CDH1: variants seen among roughly 807,000 people sequenced by gnomAD.
CDH1 encodes the protein cadherin-1.
Under a neutral mutation model 84.5 loss-of-function variants are expected in CDH1, and 35 were observed. The observed-to-expected ratio is 0.41, with a 90% confidence interval of 0.32 to 0.55. The LOEUF is 0.55. Ranked by LOEUF, CDH1 falls within the 20% of genes least tolerant of loss-of-function variation. The pLI is 0.19. For synonymous variants in CDH1, 417 were observed against 439.0 expected, an observed-to-expected ratio of 0.95 and a Z score of 0.63; for missense variants, 994 against 1,126.6, an observed-to-expected ratio of 0.88 and a Z score of 1.68.
At chr16:68,826,522 G>A (rs141297783) in intron 13 of CDH1, 5 of 152,224 alleles carry the variant, frequency 3.3e-5, no homozygotes, top group South Asian at 2.1e-4. Context: ...CAACACTTTG[G>A]GAGGCTGAGG....
intron 2 of CDH1, among the ~76,000 whole-genome samples, chr16:68,756,080 G>A (rs1195944557): frequency 1.3e-5 from 2 of 151,610 alleles, no homozygotes; most frequent in Admixed American, 1.3e-4. Flanking sequence ...GTTTTCTAAA[G>A]ATTCTTCCTG....
chr16:68,748,411 A>T (rs1962804227), intron 2 of CDH1, among the ~76,000 whole-genome samples: 1 of 152,192 alleles, frequency 6.6e-6, no homozygotes, highest in African/African-American at 2.4e-5. Context: ...CGGCCATTTT[A>T]AAAATGTTTA....
chr16:68,764,173 G>T (rs932026602), intron 2 of CDH1, among the ~76,000 whole-genome samples: 1 of 152,238 alleles, frequency 6.6e-6, no homozygotes, highest in Non-Finnish European at 1.5e-5. Flanking sequence ...AAAGGGGTGT[G>T]TGTGTGATCA....
chr16:68,821,394 C>T (rs1171054341), intron 11 of CDH1, among the ~76,000 whole-genome samples: 1 of 150,016 alleles, frequency 6.7e-6, no homozygotes, highest in Non-Finnish European at 1.5e-5. Flanking sequence ...AGATTAAGCC[C>T]AGGAGGTAGA....
At chr16:68,784,993 A>G (rs1045179409) in intron 2 of CDH1, among the ~76,000 whole-genome samples, 1 of 152,076 alleles carries the variant, frequency 6.6e-6, no homozygotes, top group African/African-American at 2.4e-5. Context: ...TAACTTTATG[A>G]ATAGGTTATA....
chr16:68,794,186 C>T (rs1960291397), intron 2 of CDH1, among the ~76,000 whole-genome samples: 1 of 151,500 alleles, frequency 6.6e-6, no homozygotes, highest in Non-Finnish European at 1.5e-5. Context: ...GCACACACCA[C>T]TGCTCCCAGC....
intron 2 of CDH1, among the ~76,000 whole-genome samples, chr16:68,779,192 G>T (rs780629190): frequency 2.0e-5 from 3 of 152,216 alleles, no homozygotes; most frequent in Non-Finnish European, 4.4e-5. Context: ...TCCACCTGCA[G>T]TGCGGGCTTG....
intron 2 of CDH1, among the ~76,000 whole-genome samples, chr16:68,779,511 C>T (rs1205191622): frequency 1.3e-5 from 2 of 152,150 alleles, no homozygotes; most frequent in Non-Finnish European, 2.9e-5. Flanking sequence ...ACCTTCTAGG[C>T]TGTTGTGAAG....
At chr16:68,824,069 C>T (rs1307474047) in intron 13 of CDH1, among the ~76,000 whole-genome samples, 1 of 143,628 alleles carries the variant, frequency 7.0e-6, no homozygotes, top group Non-Finnish European at 1.5e-5. Flanking sequence ...GTGATCTCAG[C>T]TCACTGCACC....
intron 2 of CDH1, among the ~76,000 whole-genome samples, chr16:68,765,892 G>A (rs1959365429): frequency 6.6e-6 from 1 of 151,980 alleles, no homozygotes; most frequent in African/African-American, 2.4e-5. Context: ...TATTGATTGG[G>A]AACCCTTCAC....
intron 11 of CDH1, among the ~76,000 whole-genome samples, chr16:68,821,469 CA>C (rs58762668): frequency 0.01 from 954 of 93,014 alleles, 4 homozygotes; most frequent in Admixed American, 0.016. Flanking sequence ...GACTCTGCCT[CA>C]AAAAAAAAAA....
chr16:68,762,883 A>G (rs921574810), intron 2 of CDH1, among the ~76,000 whole-genome samples: 3 of 126,736 alleles, frequency 2.4e-5, no homozygotes, highest in Admixed American at 9.8e-5. Context: ...ACTGCACTCC[A>G]GCCTCGGCAA....
rs1157074539 is a variant in CDH1, at chr16:68,831,069, C to CTTTTTTTTT, written c.2439+1291_2439+1299dup. The stretch of plus-strand genomic sequence containing the variant: ...TGAGGTCTGTGTTTGCTTTAGCTTT[C>CTTTTTTTTT]TTTTTTTTTTTTTTTTTTTTTTTTT... On this transcript the variant is annotated intron_variant, in intron 15 of 15. Transcript: ENST00000261769. 2.5e-4 allele frequency among the ~76,000 whole-genome samples: 20 copies of CTTTTTTTTT among 80,290 alleles called. 2 individuals carry two copies. The highest frequency in any genetic ancestry group is 3.5e-4 in the Non-Finnish European group (14 of 40,080). The allele number at this position is 80,290 out of a possible 152,430, so 52.7% of individuals were successfully genotyped here. A position where few individuals can be genotyped will look rare whatever the true frequency, so the allele number is the denominator to read the frequency against.
At chr16:68,808,308 C>A (rs900279697) in intron 3 of CDH1, 116 bp from the exon 4 acceptor site, 2 of 1,051,524 alleles carry the variant, frequency 1.9e-6, no homozygotes, top group African/African-American at 1.6e-5. Flanking sequence ...TCATTAAATT[C>A]AAACTGTACA....
intron 11 of CDH1, among the ~76,000 whole-genome samples, chr16:68,821,060 A>C: frequency 6.6e-6 from 1 of 152,144 alleles, no homozygotes; most frequent in East Asian, 1.9e-4. Flanking sequence ...TTTGAGATGG[A>C]TTCTTCTGTT....
At chr16:68,738,193 C>A in intron 1 of CDH1, 104 bp from the exon 2 acceptor site, 3 of 781,676 alleles carry the variant, frequency 3.8e-6, no homozygotes, top group South Asian at 1.7e-5. Context: ...GGTCCTCCCC[C>A]AATCCCGACG....
chr16:68,745,547 A>ATATATATATATATGTATAT (rs1491171815), intron 2 of CDH1, among the ~76,000 whole-genome samples: 1 of 21,966 alleles, frequency 4.6e-5, no homozygotes, highest in Non-Finnish European at 1.5e-4. Context: ...AAAAAAAAAA[A>ATATATATATATATGTATAT]AAATATATAT....
intron 2 of CDH1, among the ~76,000 whole-genome samples, chr16:68,766,437 C>G (rs1959388783): frequency 6.6e-6 from 1 of 152,082 alleles, no homozygotes; most frequent in South Asian, 2.1e-4. Context: ...ATCCAGGGGA[C>G]CAGTAGCAGG....
intron 2 of CDH1, among the ~76,000 whole-genome samples, chr16:68,759,703 C>T (rs967157693): frequency 6.6e-6 from 1 of 152,130 alleles, no homozygotes; most frequent in Non-Finnish European, 1.5e-5. Flanking sequence ...TTTGGCCAGG[C>T]TGGTGTCAAA....
Sources: gnomAD v4.1 joint callset for allele counts (sites outside exome capture counted in the v4.1 genomes callset) on GRCh38, gnomAD v4.1.1 for gene constraint, MANE v1.5 for transcripts, NCBI Gene and HGNC (gene_info 2026-07-23, HGNC 2026-07-21) for gene names.